COL10A1: variants seen among roughly 807,000 people sequenced by gnomAD.
The protein encoded by COL10A1 is collagen alpha-1(X) chain.
A neutral mutation model predicts 18.2 loss-of-function variants in COL10A1; 10 were observed. The ratio of observed to expected loss-of-function variants is 0.55; its 90% CI spans 0.34 to 0.93. COL10A1 has a LOEUF of 0.93. Among genes scored for constraint, COL10A1 ranks in the 40% least tolerant of loss-of-function variants. The pLI is 0.02. For missense variants in COL10A1, 897 were observed against 853.5 expected, an observed-to-expected ratio of 1.05 and a Z score of -0.64; for synonymous variants, 330 against 316.6, an observed-to-expected ratio of 1.04 and a Z score of -0.45.
At chr6:116,175,999 T>A in the COL10A1 span, among the ~76,000 whole-genome samples, 1 of 152,208 alleles carries the variant, frequency 6.6e-6, no homozygotes, top group East Asian at 1.9e-4. Flanking sequence ...TAATTTTTGA[T>A]TGAATGCTGG....
the COL10A1 span, among the ~76,000 whole-genome samples, chr6:116,202,436 A>G: frequency 6.6e-6 from 1 of 152,026 alleles, no homozygotes; most frequent in Non-Finnish European, 1.5e-5. Context: ...TTTAGGGGAA[A>G]CGAGGAAACA....
At chr6:116,202,263 T>C in the COL10A1 span, among the ~76,000 whole-genome samples, 7 of 151,998 alleles carry the variant, frequency 4.6e-5, no homozygotes, top group South Asian at 1.5e-3. Flanking sequence ...AGAAAACATT[T>C]CTGTAGTACC....
At chr6:116,123,112 A>T (rs1779185929) in intron 2 of COL10A1, among the ~76,000 whole-genome samples, 2 of 152,172 alleles carry the variant, frequency 1.3e-5, no homozygotes, top group Admixed American at 1.3e-4. Flanking sequence ...TGTTAGATTG[A>T]GCTTTGCTTT....
chr6:116,128,705 C>A (rs1779385763), upstream of COL10A1, among the ~76,000 whole-genome samples: 1 of 152,000 alleles, frequency 6.6e-6, no homozygotes, highest in Non-Finnish European at 1.5e-5. Context: ...GCCTCTTTTC[C>A]CCACTCCTGC....
At chr6:116,187,117 G>A in the COL10A1 span, among the ~76,000 whole-genome samples, 1 of 152,030 alleles carries the variant, frequency 6.6e-6, no homozygotes, top group Non-Finnish European at 1.5e-5. Context: ...CCAGACTGCA[G>A]TGATGCTATT....
the COL10A1 span, among the ~76,000 whole-genome samples, chr6:116,174,804 G>C: frequency 6.6e-6 from 1 of 152,104 alleles, no homozygotes; most frequent in Non-Finnish European, 1.5e-5. Flanking sequence ...GCAATCCACT[G>C]GTACCATAAA....
At chr6:116,141,885 A>AAC (rs3051942) in intron 1 of COL10A1, among the ~76,000 whole-genome samples, 27,025 of 140,174 alleles carry the variant, frequency 0.19, 2,513 homozygotes, top group Middle Eastern at 0.33. Context: ...CCAAAAAGAA[A>AAC]ACACACACAC....
At chr6:116,179,104 G>A in the COL10A1 span, among the ~76,000 whole-genome samples, 14 of 152,214 alleles carry the variant, frequency 9.2e-5, 1 homozygote, top group South Asian at 2.9e-3. Flanking sequence ...CATAAGTAGA[G>A]ATATTTAGCT....
chr6:116,159,101 A>G (rs916269790), upstream of COL10A1, among the ~76,000 whole-genome samples: 2 of 152,164 alleles, frequency 1.3e-5, no homozygotes, highest in Admixed American at 1.3e-4. Context: ...CTAACTAGCA[A>G]TGTTATGGAA....
intron 1 of COL10A1, among the ~76,000 whole-genome samples, chr6:116,142,172 A>G (rs1455960510): frequency 1.3e-5 from 2 of 152,176 alleles, no homozygotes. Flanking sequence ...AACTAATATT[A>G]GTATAGTTCA....
the COL10A1 span, among the ~76,000 whole-genome samples, chr6:116,211,874 C>T: frequency 6.6e-6 from 1 of 152,040 alleles, no homozygotes; most frequent in Admixed American, 6.6e-5. Context: ...AGAGAGCCTA[C>T]ACCTGCTCTG....
intron 2 of COL10A1, among the ~76,000 whole-genome samples, chr6:116,123,519 C>T (rs1028147070): frequency 2.0e-5 from 3 of 152,248 alleles, no homozygotes; most frequent in Non-Finnish European, 4.4e-5. Context: ...CATCTGCCCA[C>T]CAGCTGTGGA....
the COL10A1 span, among the ~76,000 whole-genome samples, chr6:116,193,169 G>A: frequency 6.6e-6 from 1 of 151,942 alleles, no homozygotes; most frequent in East Asian, 1.9e-4. Context: ...TTGTGTAATG[G>A]CCTTTTAGTT....
At chr6:116,210,308 C>G in the COL10A1 span, among the ~76,000 whole-genome samples, 1 of 151,852 alleles carries the variant, frequency 6.6e-6, no homozygotes, top group East Asian at 1.9e-4. Flanking sequence ...ATTCTGAACT[C>G]TCACTTATTA....
chr6:116,125,433 A>G lies in COL10A1; in HGVS notation c.60T>C (p.Phe20=), dbSNP rs777324834. 2 of 1,613,904 alleles carry G rather than the reference A, an allele frequency of 1.2e-6. No homozygotes were observed. The highest frequency in any genetic ancestry group is 2.2e-5 in the East Asian group (1 of 44,816). ...LVSLNLVHGV[F]YAERYQMPTG... ...TGGGCATTTGGTATCGTTCAGCGTA[A>G]AACACTCCATGAACCAAGTTCAAGG... Residue 20 remains phenylalanine, a synonymous_variant, in exon 2 of 3, where the codon TTT becomes TTC. Transcript: ENST00000651968.
At chr6:116,134,178 G>C (rs1309463251) in intron 1 of COL10A1, among the ~76,000 whole-genome samples, 1 of 152,200 alleles carries the variant, frequency 6.6e-6, no homozygotes, top group Non-Finnish European at 1.5e-5. Context: ...TGTCAAAGAG[G>C]TAAATATCTC....
At chr6:116,140,514 C>T (rs1028287555) in intron 1 of COL10A1, among the ~76,000 whole-genome samples, 12 of 152,064 alleles carry the variant, frequency 7.9e-5, no homozygotes, top group African/African-American at 2.7e-4. Flanking sequence ...TCAATGAACA[C>T]ATGTATGTGT....
chr6:116,159,287 C>CTTTTTTTTTT (rs1415199501), upstream of COL10A1, among the ~76,000 whole-genome samples: 1 of 151,990 alleles, frequency 6.6e-6, no homozygotes, highest in African/African-American at 2.4e-5. Context: ...TTATCAAAAA[C>CTTTTTTTTTT]CAGAGAAACA....
chr6:116,194,702 T>C, the COL10A1 span, among the ~76,000 whole-genome samples: 2 of 152,062 alleles, frequency 1.3e-5, no homozygotes, highest in Non-Finnish European at 2.9e-5. Flanking sequence ...GAACTACAAG[T>C]ATAATTATAT....
Sources: allele counts gnomAD v4.1 joint callset (sites outside exome capture counted in the v4.1 genomes callset), GRCh38; gene constraint gnomAD v4.1.1; transcripts MANE v1.5; gene names NCBI Gene and HGNC (gene_info 2026-07-23, HGNC 2026-07-21).